Variants in CTNNA3 observed in about 807,000 individuals in gnomAD.
CTNNA3 encodes the protein catenin alpha 3, also known as catenin alpha-3.
CTNNA3 carries 76 observed loss-of-function variants against 95.7 expected under a neutral mutation model. The observed-to-expected ratio is 0.79, with a 90% confidence interval of 0.66 to 0.96. The LOEUF is 0.96. CTNNA3 is among the 40% of genes least tolerant of loss of function. The pLI is 0.00. For synonymous variants in CTNNA3, 431 were observed against 374.4 expected (o/e 1.15, Z -1.74); for missense variants, 1,191 against 1,089.8 (o/e 1.09, Z -1.31).
chr10:67,573,008 G>C (rs1419296148), intron 3 of CTNNA3, among the ~76,000 whole-genome samples: 1 of 152,176 alleles, frequency 6.6e-6, no homozygotes, highest in Non-Finnish European at 1.5e-5. Flanking sequence ...AGGATCACTT[G>C]AGCCTGAGAG....
At chr10:67,205,303 T>A (rs1029562753) in intron 6 of CTNNA3, among the ~76,000 whole-genome samples, 2 of 152,168 alleles carry the variant, frequency 1.3e-5, no homozygotes, top group Non-Finnish European at 2.9e-5. Flanking sequence ...CAGTCCCAAG[T>A]AAGACCAACT....
At chr10:66,558,909 C>A (rs539306676) in intron 10 of CTNNA3, among the ~76,000 whole-genome samples, 1 of 152,122 alleles carries the variant, frequency 6.6e-6, no homozygotes, top group South Asian at 2.1e-4. Flanking sequence ...TGATCCAAAT[C>A]CAAATGTCTT....
At chr10:67,315,694 A>T (rs1315938036) in intron 5 of CTNNA3, among the ~76,000 whole-genome samples, 4 of 152,222 alleles carry the variant, frequency 2.6e-5, no homozygotes, top group Non-Finnish European at 5.9e-5. Flanking sequence ...GGAACATGTT[A>T]TTAAATAGCT....
At chr10:66,791,269 T>A (rs534605552) in intron 7 of CTNNA3, among the ~76,000 whole-genome samples, 7 of 152,320 alleles carry the variant, frequency 4.6e-5, no homozygotes, top group South Asian at 2.1e-4. Flanking sequence ...AAAGCTCCTG[T>A]ATGATCTGGC....
At chr10:66,936,254 C>T (rs775450368) in intron 7 of CTNNA3, among the ~76,000 whole-genome samples, 4 of 151,684 alleles carry the variant, frequency 2.6e-5, no homozygotes, top group African/African-American at 7.3e-5. Flanking sequence ...TAGATATAGA[C>T]GAAAAGAGAA....
chr10:66,883,113 G>C (rs181124255), intron 7 of CTNNA3, among the ~76,000 whole-genome samples: 1 of 152,090 alleles, frequency 6.6e-6, no homozygotes, highest in African/African-American at 2.4e-5. Context: ...CAGTTGTAGA[G>C]ACAATGTTGA....
chr10:66,692,711 A>G (rs1847597009), intron 9 of CTNNA3, among the ~76,000 whole-genome samples: 2 of 152,190 alleles, frequency 1.3e-5, no homozygotes, highest in Non-Finnish European at 2.9e-5. Flanking sequence ...GCAGCCAGAG[A>G]GAAAGGTCGG....
chr10:67,131,187 T>C (rs1027877202), intron 7 of CTNNA3, among the ~76,000 whole-genome samples: 2 of 152,208 alleles, frequency 1.3e-5, no homozygotes, highest in East Asian at 3.9e-4. Context: ...CCTAGAATGC[T>C]CTAGGAAGCC....
At chr10:67,408,969 C>A (rs943237386) in intron 5 of CTNNA3, among the ~76,000 whole-genome samples, 27 of 146,930 alleles carry the variant, frequency 1.8e-4, no homozygotes, top group African/African-American at 6.5e-4. Context: ...ATGTGGCCAA[C>A]AAACATGTGA....
chr10:66,128,417 T>A (rs1027037457), intron 13 of CTNNA3, among the ~76,000 whole-genome samples: 1 of 151,922 alleles, frequency 6.6e-6, no homozygotes, highest in Non-Finnish European at 1.5e-5. Context: ...GGTGAATAAA[T>A]AGATATACTG....
At chr10:67,541,287 T>C (rs944121459) in intron 3 of CTNNA3, among the ~76,000 whole-genome samples, 53 of 152,070 alleles carry the variant, frequency 3.5e-4, no homozygotes, top group African/African-American at 1.2e-3. Context: ...GTCTGTCTTA[T>C]CCATTTATGG....
intron 15 of CTNNA3, among the ~76,000 whole-genome samples, chr10:66,002,099 C>A (rs956130445): frequency 6.6e-6 from 1 of 151,940 alleles, no homozygotes; most frequent in African/African-American, 2.4e-5. Context: ...TAGGGGAATT[C>A]TACTACCAGA....
Position 66,889,310 on chromosome 10 carries a change from T to C in CTNNA3, c.1048-113786A>G, listed in dbSNP as rs370415549. Among the ~76,000 whole-genome samples the C allele has an allele frequency of 4.2e-4, 64 of 152,304 alleles. No individual in the cohort carries two copies. The South Asian group carries it at 0.013, about 31-fold the overall frequency. ...ATACTGTAATGGTAGATACATGTCA[T>C]TGTAAATTTGTCCAAACCCACAGAG... On this transcript the variant is annotated intron_variant, in intron 7 of 17. Coordinates refer to ENST00000433211, the MANE Select transcript of CTNNA3 (RefSeq NM_013266.4).
At chr10:66,010,165 A>T (rs2078976421) in intron 15 of CTNNA3, among the ~76,000 whole-genome samples, 1 of 152,220 alleles carries the variant, frequency 6.6e-6, no homozygotes, top group Non-Finnish European at 1.5e-5. Context: ...TAAAATTGTT[A>T]GCATGCATCT....
At chr10:66,374,125 C>G (rs1467849125) in intron 12 of CTNNA3, among the ~76,000 whole-genome samples, 1 of 152,016 alleles carries the variant, frequency 6.6e-6, no homozygotes, top group Non-Finnish European at 1.5e-5. Context: ...TCATTGGGCC[C>G]CTCTGCTATG....
chr10:66,196,701 G>A (rs947809773), intron 13 of CTNNA3, among the ~76,000 whole-genome samples: 2 of 152,182 alleles, frequency 1.3e-5, no homozygotes, highest in Non-Finnish European at 2.9e-5. Context: ...AGAATGGAGA[G>A]CCTCTTTAAA....
intron 5 of CTNNA3, among the ~76,000 whole-genome samples, chr10:67,417,721 T>C (rs1845594535): frequency 6.6e-6 from 1 of 152,174 alleles, no homozygotes; most frequent in Non-Finnish European, 1.5e-5. Flanking sequence ...AAATCCAGTT[T>C]GGATTGGGTT....
intron 5 of CTNNA3, among the ~76,000 whole-genome samples, chr10:67,313,117 T>TA (rs1386856490): frequency 1.3e-5 from 2 of 152,170 alleles, no homozygotes; most frequent in African/African-American, 4.8e-5. Context: ...ACGGCTAAAC[T>TA]ACTAATAACT....
chr10:67,526,861 T>A (rs1044216644), intron 4 of CTNNA3, among the ~76,000 whole-genome samples: 1 of 152,206 alleles, frequency 6.6e-6, no homozygotes, highest in African/African-American at 2.4e-5. Flanking sequence ...CAATAATTGT[T>A]TATAGAGCAG....
Sources: gnomAD v4.1 joint callset for allele counts (sites outside exome capture counted in the v4.1 genomes callset) on GRCh38, gnomAD v4.1.1 for gene constraint, MANE v1.5 for transcripts, NCBI Gene and HGNC (gene_info 2026-07-23, HGNC 2026-07-21) for gene names.